Variants in OLFM2 observed in about 807,000 individuals in gnomAD.
The protein encoded by OLFM2 is noelin-2.
In OLFM2, 20 loss-of-function variants were observed where a neutral mutation model predicts 43.9. The ratio of observed to expected loss-of-function variants is 0.46; its 90% confidence interval spans 0.32 to 0.66. The LOEUF is 0.66. Among genes scored for constraint, OLFM2 ranks in the 30% least tolerant of loss-of-function variants. OLFM2 has a pLI of 0.04. For synonymous variants in OLFM2, 268 were observed against 278.6 expected, an observed-to-expected ratio of 0.96 and a Z score of 0.38; for missense variants, 416 against 643.6, an observed-to-expected ratio of 0.65 and a Z score of 3.83.
chr19:9,901,630 T>C (rs2046740886), intron 1 of OLFM2, among the ~76,000 whole-genome samples: 1 of 152,154 alleles, frequency 6.6e-6, no homozygotes, highest in African/African-American at 2.4e-5. Context: ...CTTTGTTGGC[T>C]TTGAGATCTC....
chr19:9,923,190 C>T (rs1164975124), intron 1 of OLFM2, among the ~76,000 whole-genome samples: 1 of 152,056 alleles, frequency 6.6e-6, no homozygotes, highest in Non-Finnish European at 1.5e-5. Context: ...ACTCTAAGAT[C>T]AATACTCGCT....
At position 9,853,994 on chromosome 19, in the gene OLFM2, C is replaced by T. The variant is rs2046291713; in HGVS notation, c.*192G>A. Reference sequence around the variant, plus strand: ...GAAGTGGTGTATTAAAAGCAGAGATCAATAAAGGAGAAGAGGGGAAATTGA... The same window carrying T: ...GAAGTGGTGTATTAAAAGCAGAGATTAATAAAGGAGAAGAGGGGAAATTGA... On this transcript the variant is annotated 3_prime_UTR_variant, in exon 6 of 6. Coordinates refer to ENST00000264833, the MANE Select transcript of OLFM2 (RefSeq NM_058164.4). 4 of 602,098 alleles carry T rather than the reference C, an allele frequency of 6.6e-6. No individual in the cohort carries two copies. Among genetic ancestry groups the T allele is most frequent in the Non-Finnish European group, 1.2e-5 (4 of 339,938 alleles). 37.3% of individuals were successfully genotyped at this position (602,098 alleles called of 1,614,324 possible). A position where few individuals can be genotyped will look rare whatever the true frequency, so the allele number is the denominator to read the frequency against.
intron 1 of OLFM2, among the ~76,000 whole-genome samples, chr19:9,866,930 T>G (rs1275801794): frequency 6.6e-6 from 1 of 152,150 alleles, no homozygotes; most frequent in Non-Finnish European, 1.5e-5. Context: ...TTACAAACAC[T>G]TTTGCTGAGG....
chr19:9,883,072 T>C (rs921581681), intron 1 of OLFM2, among the ~76,000 whole-genome samples: 1 of 145,708 alleles, frequency 6.9e-6, no homozygotes, highest in African/African-American at 2.5e-5. Flanking sequence ...TAGCCAGGAG[T>C]GGTGACAAGT....
Position 9,915,828 on chromosome 19 carries a change from G to A in OLFM2, c.63+20476C>T, listed in dbSNP as rs990414258. ...CCACCGCGCCTGGCGAGAAAGGGAC[G>A]TTTAAGCAGAGACCTGAAGTGAGGA... On this transcript the variant is annotated intron_variant, in intron 1 of 5. Transcript: ENST00000264833. Among the ~76,000 whole-genome samples the A allele has an allele frequency of 3.9e-5, 6 of 152,150 alleles. No homozygotes were observed. In the East Asian group the frequency reaches 1.2e-3, roughly 29 times the overall value.
At chr19:9,918,392 A>G (rs1007808710) in intron 1 of OLFM2, among the ~76,000 whole-genome samples, 1 of 151,722 alleles carries the variant, frequency 6.6e-6, no homozygotes, top group Admixed American at 6.6e-5. Flanking sequence ...GGGTCTCACT[A>G]TGTTGCCCGG....
Position 9,936,471 on chromosome 19 carries a change from G to C in OLFM2, c.-105C>G, listed in dbSNP as rs2086515885. On this transcript the variant is annotated 5_prime_UTR_variant, in exon 1 of 6. Transcript: ENST00000264833. Reference sequence around the variant, plus strand: ...CCGCCCGCCCGGCCGGGGCGACCCTGCGCCGCCGCCTCCCCCGCCTCGCCG... The same window carrying C: ...CCGCCCGCCCGGCCGGGGCGACCCTCCGCCGCCGCCTCCCCCGCCTCGCCG... 1 of 836,926 alleles carries C rather than the reference G, an allele frequency of 1.2e-6. No homozygotes were observed. The highest frequency in any genetic ancestry group is 1.4e-6 in the Non-Finnish European group (1 of 693,294). The allele number at this position is 836,926 out of a possible 1,614,324, so 51.8% of individuals were successfully genotyped here. A position where few individuals can be genotyped will look rare whatever the true frequency, so the allele number is the denominator to read the frequency against.
intron 1 of OLFM2, among the ~76,000 whole-genome samples, chr19:9,874,225 GT>G (rs2046466870): frequency 6.6e-6 from 1 of 151,554 alleles, no homozygotes; most frequent in South Asian, 2.1e-4. Flanking sequence ...GTTATCACAT[GT>G]CTTTAGACTT....
At chr19:9,918,661 T>C (rs1250642408) in intron 1 of OLFM2, among the ~76,000 whole-genome samples, 1 of 152,186 alleles carries the variant, frequency 6.6e-6, no homozygotes, top group Non-Finnish European at 1.5e-5. Flanking sequence ...GGTACATCCA[T>C]ACAATGGAAT....
chr19:9,918,540 CA>C (rs1358794780), intron 1 of OLFM2, among the ~76,000 whole-genome samples: 2 of 152,094 alleles, frequency 1.3e-5, no homozygotes, highest in African/African-American at 4.8e-5. Flanking sequence ...CAAGAGAAAC[CA>C]AAGCATATGT....
intron 1 of OLFM2, among the ~76,000 whole-genome samples, chr19:9,876,429 A>C (rs1327576932): frequency 1.3e-5 from 2 of 152,156 alleles, no homozygotes; most frequent in African/African-American, 2.4e-5. Context: ...CACAGCCAGG[A>C]GGTGACATTG....
intron 1 of OLFM2, among the ~76,000 whole-genome samples, chr19:9,890,421 G>A (rs1599483407): frequency 6.6e-6 from 1 of 152,330 alleles, no homozygotes; most frequent in Middle Eastern, 3.4e-3. Flanking sequence ...GAAGGAAACA[G>A]GTCATGAGAA....
chr19:9,926,156 T>TA (rs1052964897), intron 1 of OLFM2, among the ~76,000 whole-genome samples: 4 of 146,572 alleles, frequency 2.7e-5, no homozygotes, highest in East Asian at 4.1e-4. Context: ...GACTTTTTTT[T>TA]AAAAAAAAGC....
Position 9,856,688 on chromosome 19 carries a change from G to A in OLFM2, c.687+119C>T, listed in dbSNP as rs749592130. 2 of 783,744 alleles carry A rather than the reference G, an allele frequency of 2.6e-6. No individual in the cohort carries two copies. Among genetic ancestry groups the A allele is most frequent in the South Asian group, 3.3e-5 (2 of 59,776 alleles). The allele number at this position is 783,744 out of a possible 1,614,324, so 48.5% of individuals were successfully genotyped here. A position where few individuals can be genotyped will look rare whatever the true frequency, so the allele number is the denominator to read the frequency against. ...ACAGGGAGGTCCAATGGCCCTGGGG[G>A]ATCCAGGACACTTTGGGCTACAAGA... On this transcript the variant is annotated intron_variant, in intron 5 of 5. Coordinates refer to ENST00000264833, the MANE Select transcript of OLFM2 (RefSeq NM_058164.4). The surrounding 1 kb of genome is among the most constrained non-coding windows in gnomAD (Gnocchi z 4.0).
chr19:9,888,782 T>C (rs2336532), intron 1 of OLFM2, among the ~76,000 whole-genome samples: 143,463 of 152,244 alleles, frequency 0.94, 68,061 homozygotes, highest in Non-Finnish European at 1. Flanking sequence ...ATTTTTAAAA[T>C]TCTGCCGGGC....
intron 1 of OLFM2, among the ~76,000 whole-genome samples, chr19:9,869,471 CTTAGT>C (rs989835993): frequency 1.3e-5 from 2 of 152,070 alleles, no homozygotes; most frequent in African/African-American, 4.8e-5. Flanking sequence ...CTGTGTCTTT[CTTAGT>C]TTTTTCATTT....
chr19:9,860,865 G>T, intron 1 of OLFM2, 71 bp from the exon 2 acceptor site: 1 of 1,480,664 alleles, frequency 6.8e-7, no homozygotes, highest in Admixed American at 2.1e-5. Flanking sequence ...GGGACAGGAA[G>T]GGGGCCCAAG....
At chr19:9,882,735 C>T (rs1050150893) in intron 1 of OLFM2, among the ~76,000 whole-genome samples, 5 of 151,070 alleles carry the variant, frequency 3.3e-5, no homozygotes, top group Admixed American at 6.6e-5. Flanking sequence ...CGTAGTGAGA[C>T]GCTGTGTCTA....
chr19:9,908,124 G>A (rs944625204), intron 1 of OLFM2, among the ~76,000 whole-genome samples: 2 of 151,572 alleles, frequency 1.3e-5, no homozygotes, highest in South Asian at 4.2e-4. Context: ...TCCCTCTTCC[G>A]CTCGCTCACT....
Sources: gnomAD v4.1 joint callset for allele counts (sites outside exome capture counted in the v4.1 genomes callset) on GRCh38, gnomAD v4.1.1 for gene constraint, Gnocchi (gnomAD v3.1) non-coding constraint, MANE v1.5 for transcripts, NCBI Gene and HGNC (gene_info 2026-07-23, HGNC 2026-07-21) for gene names.